The following NCAM1 variants were observed in gnomAD, a reference collection of about 807,000 sequenced individuals.
The protein encoded by NCAM1 is neural cell adhesion molecule 1.
A neutral mutation model predicts 109.8 loss-of-function variants in NCAM1; 14 were observed. That is an observed-to-expected ratio of 0.13 (90% CI 0.08 to 0.20). The LOEUF is 0.20. Among genes scored for constraint, NCAM1 ranks in the 10% least tolerant of loss-of-function variants. The pLI is 1.00. For missense variants in NCAM1, 774 were observed against 1,109.9 expected, an observed-to-expected ratio of 0.70 and a Z score of 4.30; for synonymous variants, 418 against 442.9, an observed-to-expected ratio of 0.94 and a Z score of 0.70.
At chr11:113,226,281 C>T (rs1294872682) in intron 9 of NCAM1, among the ~76,000 whole-genome samples, 1 of 152,116 alleles carries the variant, frequency 6.6e-6, no homozygotes, top group Non-Finnish European at 1.5e-5. Flanking sequence ...GGTTGCAACC[C>T]TAGTCTCTGA....
intron 1 of NCAM1, among the ~76,000 whole-genome samples, chr11:113,070,598 C>A (rs1163935397): frequency 6.6e-6 from 1 of 151,946 alleles, no homozygotes; most frequent in Non-Finnish European, 1.5e-5. Context: ...ATGAAGGGTA[C>A]AAGTGGGAGA....
intron 1 of NCAM1, among the ~76,000 whole-genome samples, chr11:113,121,078 A>T (rs1555095930): frequency 6.6e-6 from 1 of 152,122 alleles, no homozygotes; most frequent in Non-Finnish European, 1.5e-5. Flanking sequence ...TTAGGGGTCC[A>T]GTTTCTGGGT....
At chr11:113,245,625 G>A (rs1945478279) in intron 14 of NCAM1, among the ~76,000 whole-genome samples, 1 of 152,120 alleles carries the variant, frequency 6.6e-6, no homozygotes, top group South Asian at 2.1e-4. Context: ...ACTTCAGGGA[G>A]GCTCACCGAG....
In NCAM1 at chr11:112,962,911, G is replaced by A. The variant is rs1363219344; in HGVS notation, c.52+1247G>A. Among the ~76,000 whole-genome samples, 1 of 152,060 alleles carries A rather than the reference G, an allele frequency of 6.6e-6. No individual in the cohort carries two copies. Among genetic ancestry groups the A allele is most frequent in the Non-Finnish European group, 1.5e-5 (1 of 68,006 alleles). ...AAGCGATCGAGGAAAGCCGGGCGGA[G>A]GGGCTGTGTGTCGCGGTCGCAGCTC... On this transcript the variant is annotated intron_variant, in intron 1 of 19. Transcript: ENST00000316851. This position sits in a 1 kb window ranked among gnomAD's most constrained non-coding sequence, Gnocchi z 5.6.
At chr11:112,989,085 T>C (rs1366309189) in intron 1 of NCAM1, among the ~76,000 whole-genome samples, 1 of 152,122 alleles carries the variant, frequency 6.6e-6, no homozygotes, top group Admixed American at 6.6e-5. Context: ...CCTCGGAATG[T>C]TCTTCTTTGG....
intron 1 of NCAM1, among the ~76,000 whole-genome samples, chr11:113,007,023 T>C (rs1245310502): frequency 6.6e-6 from 1 of 152,218 alleles, no homozygotes. Flanking sequence ...GACACACATT[T>C]TTAAGAGTAC....
Position 113,232,973 on chromosome 11 carries a change from C to T in NCAM1, c.1522+159C>T, listed in dbSNP as rs372956878. Among the ~76,000 whole-genome samples, 5 of 152,222 alleles carry T rather than the reference C, an allele frequency of 3.3e-5. No homozygotes were observed. The South Asian group carries it at 6.2e-4, about 19-fold the overall frequency. ...GGGAAGCTGGGAGCCATTGGATCAG[C>T]GCATGGGGCATGTTGGGGGAGAAGC... On this transcript the variant is annotated intron_variant, in intron 12 of 19. Transcript: ENST00000316851.
intron 1 of NCAM1, among the ~76,000 whole-genome samples, chr11:112,978,465 A>C (rs1353917217): frequency 6.6e-6 from 1 of 151,806 alleles, no homozygotes; most frequent in Non-Finnish European, 1.5e-5. Context: ...GGTTGAATGT[A>C]AACATTGAGA....
intron 1 of NCAM1, among the ~76,000 whole-genome samples, chr11:113,154,902 A>G (rs879976092): frequency 2.6e-5 from 4 of 152,176 alleles, no homozygotes; most frequent in African/African-American, 7.2e-5. Context: ...AACATATATC[A>G]TATGTTATAG....
At chr11:113,008,913 G>C (rs1555073781) in intron 1 of NCAM1, among the ~76,000 whole-genome samples, 1 of 152,198 alleles carries the variant, frequency 6.6e-6, no homozygotes, top group African/African-American at 2.4e-5. Context: ...ATAGAGCTGA[G>C]TCAAGTGCAC....
chr11:113,231,343 A>G (rs1944999561), intron 9 of NCAM1: 2 of 1,509,872 alleles, frequency 1.3e-6, no homozygotes, highest in Admixed American at 2.0e-5. Context: ...AGACATCCCA[A>G]ACAAAGTCAT....
chr11:113,235,135 C>A lies in NCAM1; in HGVS notation c.1796C>A (p.Ala599Glu), dbSNP rs117485712. ...GGCAAAGGGCTGGGTGAGATCAGCG[C>A]GGCCTCCGAGTTCAAGACGCAGCCA... ...LNGKGLGEISAASEFKTQPVQ... is the reference protein window; with the variant it reads ...LNGKGLGEISEASEFKTQPVQ... Residue 599 changes from alanine to glutamate, a missense_variant, in exon 14 of 20, where the codon GCG becomes GAG. This residue lies in a region of NCAM1 where 523 missense variants were observed against 784.2 expected (regional missense o/e 0.67). Transcript: ENST00000316851. 6.2e-7 allele frequency: 1 copy of A among 1,613,154 alleles called. No homozygotes were observed. Among genetic ancestry groups the A allele is most frequent in the African/African-American group, 1.3e-5 (1 of 74,926 alleles).
chr11:113,071,281 A>G (rs1471283983), intron 1 of NCAM1, among the ~76,000 whole-genome samples: 1 of 152,190 alleles, frequency 6.6e-6, no homozygotes, highest in Admixed American at 6.5e-5. Flanking sequence ...TGGCAACAAA[A>G]TCCAGGATGT....
intron 1 of NCAM1, among the ~76,000 whole-genome samples, chr11:113,005,219 G>C (rs1266707668): frequency 6.6e-6 from 1 of 151,988 alleles, no homozygotes; most frequent in African/African-American, 2.4e-5. Flanking sequence ...TAGTAGTTTG[G>C]CTTCTCTTTC....
rs188136769 is a variant in NCAM1, at chr11:113,263,053, A to G, written c.2131+2730A>G. The G allele has an allele frequency of 7.0e-5, 100 of 1,437,950 alleles. No individual in the cohort carries two copies. The East Asian group carries it at 2.5e-3, about 35-fold the overall frequency. The allele number at this position is 1,437,950 out of a possible 1,614,324, so 89.1% of individuals were successfully genotyped here. On this transcript the variant is annotated intron_variant, in intron 17 of 19. Coordinates refer to ENST00000316851, the MANE Select transcript of NCAM1 (RefSeq NM_181351.5). ...GCTGAGCAACCATTCTGTGTGGAAG[A>G]GAAGGTTTTGTGATTGGAAAAAGCT... is the stretch of plus-strand genomic sequence containing the variant.
intron 17 of NCAM1, 24 bp from the exon 18 acceptor site, chr11:113,270,164 C>T: frequency 6.2e-7 from 1 of 1,612,530 alleles, no homozygotes; most frequent in Non-Finnish European, 8.5e-7. Context: ...CTGTTAACCA[C>T]CAGCCATCTC....
chr11:113,036,702 T>C (rs1952900225), intron 1 of NCAM1, among the ~76,000 whole-genome samples: 1 of 152,150 alleles, frequency 6.6e-6, no homozygotes, highest in Non-Finnish European at 1.5e-5. Context: ...ATTATCATAA[T>C]TCTCACTATC....
At chr11:113,135,399 G>A (rs931869364) in intron 1 of NCAM1, among the ~76,000 whole-genome samples, 10 of 152,120 alleles carry the variant, frequency 6.6e-5, no homozygotes, top group Admixed American at 4.6e-4. Context: ...AAACAGACTT[G>A]GGCAACAGGG....
chr11:113,181,814 A>G (rs1448567736), intron 1 of NCAM1, among the ~76,000 whole-genome samples: 1 of 152,186 alleles, frequency 6.6e-6, no homozygotes, highest in Non-Finnish European at 1.5e-5. Flanking sequence ...ATTGACAGAT[A>G]GCCACTCAGG....
Sources: allele counts gnomAD v4.1 joint callset (sites outside exome capture counted in the v4.1 genomes callset), GRCh38; gene constraint gnomAD v4.1.1; regional missense constraint gnomAD v4.1.1; non-coding constraint Gnocchi (gnomAD v3.1); transcripts MANE v1.5; gene names NCBI Gene and HGNC (gene_info 2026-07-23, HGNC 2026-07-21).